Variants in CCDC148 observed in about 807,000 individuals in gnomAD.
The protein encoded by CCDC148 is coiled-coil domain containing 148, also known as coiled-coil domain-containing protein 148.
In CCDC148, 89 loss-of-function variants were observed where a neutral mutation model predicts 85.7. That is an observed-to-expected ratio of 1.04 (90% CI 0.87 to 1.24). The LOEUF (loss-of-function observed/expected upper bound fraction) is 1.24. Ranked by LOEUF, CCDC148 falls within the 50% of genes most tolerant of loss-of-function variation. The probability of loss-of-function intolerance (pLI) is 0.00; values close to 1 mark genes in which losing one functional copy is unlikely to be tolerated. For synonymous variants in CCDC148, 230 were observed against 213.9 expected (o/e 1.08, Z -0.66); for missense variants, 692 against 671.7 (o/e 1.03, Z -0.33).
intron 1 of CCDC148, among the ~76,000 whole-genome samples, chr2:158,390,009 T>C (rs7576902): frequency 0.058 from 8,778 of 152,222 alleles, 483 homozygotes; most frequent in African/African-American, 0.15. Flanking sequence ...TTAGCACTTG[T>C]ATCAGAGAAA....
At chr2:158,229,922 T>C (rs1458787912) in intron 10 of CCDC148, among the ~76,000 whole-genome samples, 4 of 152,204 alleles carry the variant, frequency 2.6e-5, no homozygotes, top group African/African-American at 9.6e-5. Flanking sequence ...AACTCGCTTT[T>C]TCCCATGTGC....
At chr2:158,266,162 T>C (rs1327370428) in intron 9 of CCDC148, among the ~76,000 whole-genome samples, 2 of 152,154 alleles carry the variant, frequency 1.3e-5, no homozygotes, top group East Asian at 3.9e-4. Context: ...GGCTCCCCAC[T>C]GTCTCCAGCA....
chr2:158,310,464 G>A (rs537571831), intron 8 of CCDC148, among the ~76,000 whole-genome samples: 7 of 152,182 alleles, frequency 4.6e-5, no homozygotes, highest in South Asian at 2.1e-4. Context: ...GGTGGCGGCC[G>A]GGCAGAGGGG....
chr2:158,178,958 A>G lies in CCDC148; in HGVS notation c.1409T>C (p.Met470Thr). Residue 470 changes from methionine to threonine, a missense_variant, in exon 12 of 14, where the codon ATG becomes ACG. By Grantham distance (81) the Met-to-Thr change is moderately conservative. Coordinates refer to ENST00000283233, the MANE Select transcript of CCDC148 (RefSeq NM_138803.4). ...YRQELLERRL[M>T]EKKEVALQEA... is the part of the protein sequence containing the mutation. ...TTGAAGGGCCACTTCCTTTTTCTCC[A>G]TCAAACGCCTTTCCAATAATTCTTG... The G allele has an allele frequency of 6.2e-7, 1 of 1,613,508 alleles. No homozygotes were observed. The highest frequency in any genetic ancestry group is 1.1e-5 in the South Asian group (1 of 91,054).
At chr2:158,275,545 T>C (rs1689895531) in intron 9 of CCDC148, among the ~76,000 whole-genome samples, 1 of 152,200 alleles carries the variant, frequency 6.6e-6, no homozygotes, top group Admixed American at 6.5e-5. Flanking sequence ...AGGGAATTTA[T>C]ATGAACAAAG....
intron 10 of CCDC148, among the ~76,000 whole-genome samples, chr2:158,225,129 A>G (rs1687432772): frequency 6.6e-6 from 1 of 152,212 alleles, no homozygotes; most frequent in African/African-American, 2.4e-5. Flanking sequence ...CAAAAGGAAA[A>G]CAAAAAACAG....
At chr2:158,368,664 A>G (rs10933474) in intron 1 of CCDC148, among the ~76,000 whole-genome samples, 26,945 of 152,042 alleles carry the variant, frequency 0.18, 3,912 homozygotes, top group African/African-American at 0.4. Flanking sequence ...ATAGCACAGG[A>G]AGAACACTTT....
Position 158,197,879 on chromosome 2 carries a change from A to T in CCDC148, c.1371-18883T>A, listed in dbSNP as rs148795075. Among the ~76,000 whole-genome samples the T allele has an allele frequency of 5.9e-3, 892 of 152,280 alleles. 14 individuals carry two copies. The highest frequency in any genetic ancestry group is 0.02 in the African/African-American group (851 of 41,554). On this transcript the variant is annotated intron_variant, in intron 11 of 13. Transcript: ENST00000283233. ...TAAAAACCACTAAATGCATTCATTAACTGGTTAATGCAATTAATTCTAATG... is the reference window on the plus strand; with the variant it reads ...TAAAAACCACTAAATGCATTCATTATCTGGTTAATGCAATTAATTCTAATG...
chr2:158,352,224 G>C (rs1467666090), intron 2 of CCDC148, among the ~76,000 whole-genome samples: 17 of 150,642 alleles, frequency 1.1e-4, no homozygotes, highest in Admixed American at 8.6e-4. Context: ...AAGCTGGATG[G>C]AGAATGACTT....
At chr2:158,308,690 C>T (rs1376882093) in intron 9 of CCDC148, among the ~76,000 whole-genome samples, 2 of 152,168 alleles carry the variant, frequency 1.3e-5, no homozygotes, top group Non-Finnish European at 2.9e-5. Flanking sequence ...TTTTTAATGG[C>T]CCTGGCCAAC....
At chr2:158,380,333 A>C (rs1263574157) in intron 1 of CCDC148, among the ~76,000 whole-genome samples, 1 of 152,164 alleles carries the variant, frequency 6.6e-6, no homozygotes, top group Non-Finnish European at 1.5e-5. Context: ...ATTACAGTAG[A>C]CCAATAAAAT....
chr2:158,218,722 G>GA (rs1243487410), intron 11 of CCDC148, among the ~76,000 whole-genome samples: 1 of 152,134 alleles, frequency 6.6e-6, no homozygotes, highest in Non-Finnish European at 1.5e-5. Flanking sequence ...AGCTGTTTGG[G>GA]AATTCTTATC....
At chr2:158,260,222 A>G (rs1325105020) in intron 9 of CCDC148, among the ~76,000 whole-genome samples, 1 of 151,952 alleles carries the variant, frequency 6.6e-6, no homozygotes, top group African/African-American at 2.4e-5. Flanking sequence ...ATAAGTATCT[A>G]AAACTCAAAT....
Position 158,200,474 on chromosome 2 carries a change from A to G in CCDC148, c.1370+20121T>C, listed in dbSNP as rs185002647. ...TATAAATAAAGTTTTATTGGCACAT[A>G]GCCATACCCATTTGCTTACATATTG... On this transcript the variant is annotated intron_variant, in intron 11 of 13. Coordinates refer to ENST00000283233, the MANE Select transcript of CCDC148 (RefSeq NM_138803.4). 4.6e-3 allele frequency among the ~76,000 whole-genome samples: 697 copies of G among 152,332 alleles called. 3 individuals carry two copies. Among genetic ancestry groups the G allele is most frequent in the Middle Eastern group, 0.017 (5 of 294 alleles).
chr2:158,336,770 T>G (rs984279607), intron 7 of CCDC148, among the ~76,000 whole-genome samples: 2 of 152,138 alleles, frequency 1.3e-5, no homozygotes, highest in African/African-American at 4.8e-5. Flanking sequence ...AATCATTTAT[T>G]TAAAGATGTT....
intron 8 of CCDC148, among the ~76,000 whole-genome samples, chr2:158,311,156 C>T (rs371751463): frequency 2.4e-4 from 37 of 152,300 alleles, no homozygotes; most frequent in African/African-American, 7.9e-4. Context: ...GCGGAGATCA[C>T]GCCACTGCAC....
chr2:158,430,115 G>C (rs775840536), intron 1 of CCDC148, among the ~76,000 whole-genome samples: 1 of 152,166 alleles, frequency 6.6e-6, no homozygotes, highest in Admixed American at 6.5e-5. Flanking sequence ...GGAACAGGAA[G>C]ATAAAAGGCG....
chr2:158,428,788 A>T (rs1687192273), intron 1 of CCDC148, among the ~76,000 whole-genome samples: 1 of 152,040 alleles, frequency 6.6e-6, no homozygotes, highest in Non-Finnish European at 1.5e-5. Context: ...ATTACTGAGC[A>T]TATACCCAAA....
chr2:158,292,477 T>C (rs1248921618), intron 9 of CCDC148, among the ~76,000 whole-genome samples: 1 of 152,194 alleles, frequency 6.6e-6, no homozygotes, highest in African/African-American at 2.4e-5. Flanking sequence ...TTTAAAAGTA[T>C]CATCTGTCCA....
Sources: allele counts gnomAD v4.1 joint callset (sites outside exome capture counted in the v4.1 genomes callset), GRCh38; gene constraint gnomAD v4.1.1; transcripts MANE v1.5; gene names NCBI Gene and HGNC (gene_info 2026-07-23, HGNC 2026-07-21).